Variants in CACNG2 observed in about 807,000 individuals in gnomAD.
CACNG2 encodes voltage-dependent calcium channel gamma-2 subunit.
Under a neutral mutation model 25.9 loss-of-function variants are expected in CACNG2, and 3 were observed. The ratio of observed to expected loss-of-function variants is 0.12; its 90% CI spans 0.05 to 0.30. The LOEUF (loss-of-function observed/expected upper bound fraction) is 0.30, where lower values mean the gene tolerates loss of function less well. Ranked by LOEUF, CACNG2 falls within the 10% of genes least tolerant of loss-of-function variation. CACNG2 has a pLI of 1.00. For synonymous variants in CACNG2, 167 were observed against 173.3 expected (o/e 0.96, Z 0.29); for missense variants, 341 against 432.5 (o/e 0.79, Z 1.88).
chr22:36,612,146 C>T (rs1013589266), intron 1 of CACNG2, among the ~76,000 whole-genome samples: 8 of 152,102 alleles, frequency 5.3e-5, no homozygotes, highest in African/African-American at 1.7e-4. Flanking sequence ...CTGGAAGAAC[C>T]AGCCTGTGTG....
At chr22:36,596,234 C>A (rs529872494) in intron 1 of CACNG2, among the ~76,000 whole-genome samples, 13 of 152,320 alleles carry the variant, frequency 8.5e-5, no homozygotes, top group African/African-American at 1.7e-4. Flanking sequence ...GTGTTTTCAA[C>A]CTTTGCTGCT....
At chr22:36,578,317 C>G (rs1935359619) in intron 2 of CACNG2, among the ~76,000 whole-genome samples, 1 of 150,116 alleles carries the variant, frequency 6.7e-6, no homozygotes, top group Non-Finnish European at 1.5e-5. Context: ...GAGATGGCAC[C>G]ACTGCACTCC....
intron 2 of CACNG2, among the ~76,000 whole-genome samples, chr22:36,567,544 G>A (rs940817416): frequency 2.0e-4 from 30 of 151,840 alleles, no homozygotes; most frequent in African/African-American, 7.3e-4. Flanking sequence ...GTAATGAAAA[G>A]GGAGAAACAG....
intron 1 of CACNG2, among the ~76,000 whole-genome samples, chr22:36,651,814 C>T (rs142473116): frequency 7.0e-4 from 107 of 152,198 alleles, no homozygotes; most frequent in African/African-American, 2.5e-3. Context: ...GGGAGTCATC[C>T]GTGACACTTA....
intron 1 of CACNG2, among the ~76,000 whole-genome samples, chr22:36,607,952 C>T (rs1306381765): frequency 2.0e-5 from 3 of 152,186 alleles, no homozygotes; most frequent in East Asian, 1.9e-4. Context: ...CAGGTAGACC[C>T]GAGACTAGGG....
At chr22:36,634,783 G>C (rs1166332792) in intron 1 of CACNG2, among the ~76,000 whole-genome samples, 1 of 152,190 alleles carries the variant, frequency 6.6e-6, no homozygotes, top group Non-Finnish European at 1.5e-5. Flanking sequence ...CAGATCTCAA[G>C]TTTATATAGT....
At chr22:36,656,521 G>C (rs1293844366) in intron 1 of CACNG2, among the ~76,000 whole-genome samples, 1 of 152,078 alleles carries the variant, frequency 6.6e-6, no homozygotes, top group Non-Finnish European at 1.5e-5. Flanking sequence ...GGCTGTAATG[G>C]GCTCCTAACT....
intron 1 of CACNG2, among the ~76,000 whole-genome samples, chr22:36,590,168 G>A (rs969167726): frequency 3.3e-5 from 5 of 152,130 alleles, no homozygotes; most frequent in Admixed American, 3.3e-4. Context: ...GAGCCTAGTT[G>A]CTCCTTGTGT....
At chr22:36,573,216 T>A (rs758934405) in intron 2 of CACNG2, among the ~76,000 whole-genome samples, 35 of 152,250 alleles carry the variant, frequency 2.3e-4, no homozygotes, top group African/African-American at 6.5e-4. Flanking sequence ...TTTTATTTTT[T>A]AAATTTATTT....
intron 1 of CACNG2, among the ~76,000 whole-genome samples, chr22:36,668,492 AT>A (rs112318091): frequency 0.24 from 34,561 of 146,698 alleles, 4,164 homozygotes; most frequent in Middle Eastern, 0.34. Context: ...AGGGGAGTGA[AT>A]TTTTTTTTTT....
intron 2 of CACNG2, among the ~76,000 whole-genome samples, chr22:36,581,359 A>C (rs1308352276): frequency 6.6e-6 from 1 of 152,116 alleles, no homozygotes; most frequent in East Asian, 1.9e-4. Flanking sequence ...TCCATTCATT[A>C]ATTCATTCAT....
chr22:36,605,680 A>G (rs889947883), intron 1 of CACNG2, among the ~76,000 whole-genome samples: 1 of 152,256 alleles, frequency 6.6e-6, no homozygotes, highest in Non-Finnish European at 1.5e-5. Context: ...AGGGCTCAGC[A>G]CAGTGGCTGT....
intron 1 of CACNG2, among the ~76,000 whole-genome samples, chr22:36,636,009 GC>G (rs1391216969): frequency 4.6e-5 from 7 of 152,082 alleles, no homozygotes; most frequent in African/African-American, 1.7e-4. Flanking sequence ...TCGCAACTGG[GC>G]TTTTTCTGCA....
intron 1 of CACNG2, among the ~76,000 whole-genome samples, chr22:36,645,983 G>A (rs9610553): frequency 0.03 from 4,553 of 152,248 alleles, 89 homozygotes; most frequent in Middle Eastern, 0.061. Context: ...ACAACATTAG[G>A]TTGAAATCAA....
chr22:36,624,964 G>A (rs1180629878), intron 1 of CACNG2, among the ~76,000 whole-genome samples: 1 of 135,222 alleles, frequency 7.4e-6, no homozygotes, highest in Non-Finnish European at 1.5e-5. Flanking sequence ...TGAGTTGGAG[G>A]TTGCCGTGAG....
chr22:36,590,839 C>T (rs1472984870), intron 1 of CACNG2, among the ~76,000 whole-genome samples: 4 of 152,118 alleles, frequency 2.6e-5, no homozygotes, highest in Non-Finnish European at 5.9e-5. Context: ...CTCCTCCCTC[C>T]CTGTGCATCT....
chr22:36,597,047 G>A (rs983684714), intron 1 of CACNG2, among the ~76,000 whole-genome samples: 3 of 152,038 alleles, frequency 2.0e-5, no homozygotes, highest in Admixed American at 6.6e-5. Context: ...TTTTGAGATA[G>A]AGTCTCTCTC....
intron 1 of CACNG2, among the ~76,000 whole-genome samples, chr22:36,695,539 C>T (rs1315985688): frequency 7.5e-6 from 1 of 134,196 alleles, no homozygotes; most frequent in Non-Finnish European, 1.5e-5. Flanking sequence ...TCTCTTGGTA[C>T]TTGTCTCATT....
chr22:36,581,050 C>T (rs754640226), intron 2 of CACNG2, among the ~76,000 whole-genome samples: 23 of 152,290 alleles, frequency 1.5e-4, no homozygotes, highest in African/African-American at 5.3e-4. Flanking sequence ...AGTCACACCC[C>T]GGTCACCACA....
Sources: gnomAD v4.1 joint callset for allele counts (sites outside exome capture counted in the v4.1 genomes callset) on GRCh38, gnomAD v4.1.1 for gene constraint, MANE v1.5 for transcripts, NCBI Gene and HGNC (gene_info 2026-07-23, HGNC 2026-07-21) for gene names.